PRDM10: variants seen among roughly 807,000 people sequenced by gnomAD.
PRDM10 encodes the protein PR/SET domain 10.
A neutral mutation model predicts 133.1 loss-of-function variants in PRDM10; 65 were observed. The ratio of observed to expected loss-of-function variants is 0.49; its 90% confidence interval spans 0.40 to 0.60. The LOEUF (loss-of-function observed/expected upper bound fraction) is 0.60, where lower values mean the gene tolerates loss of function less well. Ranked by LOEUF, PRDM10 falls within the 20% of genes least tolerant of loss-of-function variation. The pLI, the probability that PRDM10 is intolerant of heterozygous loss-of-function variation, is 0.00. For missense variants in PRDM10, 1,137 were observed against 1,507.1 expected (o/e 0.75, Z 4.07); for synonymous variants, 582 against 580.4 (o/e 1.00, Z -0.04).
chr11:129,985,795 AAAAAAAAAAAAAAAATATAT>A (rs936706402), intron 1 of PRDM10, among the ~76,000 whole-genome samples: 5 of 121,894 alleles, frequency 4.1e-5, no homozygotes, highest in African/African-American at 2.0e-4. Flanking sequence ...AAAAAAAAAA[AAAAAAAAAAAAAAAATATAT>A]ATATATATAT....
chr11:129,932,378 T>C, intron 9 of PRDM10, 147 bp from the exon 10 acceptor site: 3 of 1,014,126 alleles, frequency 3.0e-6, no homozygotes, highest in Non-Finnish European at 4.2e-6. Context: ...AACAACTGTT[T>C]TACTAATATA....
At chr11:129,940,901 T>C (rs1951184642) in intron 7 of PRDM10, among the ~76,000 whole-genome samples, 1 of 152,256 alleles carries the variant, frequency 6.6e-6, no homozygotes, top group African/African-American at 2.4e-5. Context: ...GTTATATTCT[T>C]ATTTGTTTCT....
chr11:129,901,702 A>G lies in PRDM10; in HGVS notation c.*611T>C, dbSNP rs1949848896. 1 of 152,240 alleles carries G rather than the reference A, an allele frequency of 6.6e-6. No homozygotes were observed. Among genetic ancestry groups the G allele is most frequent in the African/African-American group, 2.4e-5 (1 of 41,448 alleles). The allele number at this position is 152,240 out of a possible 1,614,324, so 9.4% of individuals were successfully genotyped here. A position where few individuals can be genotyped will look rare whatever the true frequency, so the allele number is the denominator to read the frequency against. The stretch of plus-strand genomic sequence containing the variant: ...GGAAAGCACTACCAACAGCCCAACA[A>G]TAGTTTTCTAAAATAGGGAAGTTAA... On this transcript the variant is annotated 3_prime_UTR_variant, in exon 21 of 21. Transcript: ENST00000360871.
Position 129,947,146 on chromosome 11 carries a change from C to T in PRDM10, c.519G>A (p.Leu173=). The change falls in exon 5 of 21, where the codon TTG becomes TTA. Residue 173 remains leucine (L), a splice_region_variant and synonymous_variant. Coordinates refer to ENST00000360871, the MANE Select transcript of PRDM10 (RefSeq NM_199437.2). The surrounding 1 kb of genome is among the most constrained non-coding windows in gnomAD (Gnocchi z 4.6). ...DPPRPFDPHD[L]WCEECNNAHA... is the part of the protein sequence containing the mutation. ...GGGGAGACCCGTGCCCACACTTACACAAGTCGTGTGGGTCGAAGGGCCGGG... is the reference window on the plus strand; with the variant it reads ...GGGGAGACCCGTGCCCACACTTACATAAGTCGTGTGGGTCGAAGGGCCGGG... 6.2e-7 allele frequency: 1 copy of T among 1,613,968 alleles called. No homozygotes were observed. The highest frequency in any genetic ancestry group is 1.3e-5 in the African/African-American group (1 of 75,038).
chr11:129,903,568 T>C (rs972293749), intron 20 of PRDM10, among the ~76,000 whole-genome samples: 15 of 152,196 alleles, frequency 9.9e-5, no homozygotes, highest in Non-Finnish European at 2.2e-4. Flanking sequence ...GGCTATTTTG[T>C]TACATTAACA....
intron 1 of PRDM10, among the ~76,000 whole-genome samples, chr11:129,985,674 C>T (rs918130041): frequency 2.7e-5 from 4 of 148,414 alleles, no homozygotes; most frequent in African/African-American, 9.9e-5. Context: ...GTTCCAGCTA[C>T]TCAGGAGGCT....
At chr11:129,931,616 G>A (rs1950865855) in intron 10 of PRDM10, among the ~76,000 whole-genome samples, 1 of 148,756 alleles carries the variant, frequency 6.7e-6, no homozygotes, top group East Asian at 2.0e-4. Context: ...TCCCCAGGCT[G>A]GAGTGCAGTG....
chr11:129,944,648 A>G (rs73016891), intron 6 of PRDM10, 123 bp downstream of exon 6: 97,664 of 1,386,098 alleles, frequency 0.07, 4,044 homozygotes, highest in Admixed American at 0.14. Flanking sequence ...CCAAGTTAAG[A>G]TAGAAAGAAG....
chr11:129,979,021 T>G (rs545277508), intron 1 of PRDM10, among the ~76,000 whole-genome samples: 10 of 152,294 alleles, frequency 6.6e-5, no homozygotes, highest in African/African-American at 2.4e-4. Flanking sequence ...CCGACAATCC[T>G]ACATGAAAAT....
chr11:129,908,501 C>T (rs969656261), intron 19 of PRDM10, among the ~76,000 whole-genome samples: 4 of 152,006 alleles, frequency 2.6e-5, no homozygotes, highest in Non-Finnish European at 5.9e-5. Flanking sequence ...GAGGTAGGTA[C>T]CAAAATATTT....
intron 1 of PRDM10, among the ~76,000 whole-genome samples, chr11:129,966,853 CA>C (rs1222837465): frequency 6.6e-6 from 1 of 152,122 alleles, no homozygotes; most frequent in Non-Finnish European, 1.5e-5. Flanking sequence ...GCCACATCAA[CA>C]ACGCTCTTGG....
At chr11:129,915,444 G>A (rs372405777) in intron 16 of PRDM10, among the ~76,000 whole-genome samples, 3 of 152,218 alleles carry the variant, frequency 2.0e-5, no homozygotes, top group African/African-American at 4.8e-5. Context: ...CCAGCTGCTC[G>A]GGCTGCTGTA....
chr11:129,996,010 G>A lies in PRDM10; in HGVS notation c.-119+6712C>T, dbSNP rs543444568. Among the ~76,000 whole-genome samples, 12 of 152,208 alleles carry A rather than the reference G, an allele frequency of 7.9e-5. No homozygotes were observed. In the South Asian group the frequency reaches 1.7e-3, roughly 21 times the overall value. On this transcript the variant is annotated intron_variant, in intron 1 of 20. Coordinates refer to ENST00000360871, the MANE Select transcript of PRDM10 (RefSeq NM_199437.2). ...AGGAAAACTTTACAAACAACTTCAA[G>A]TATTTTAATTCACTCACTTATCCCT... is the stretch of plus-strand genomic sequence containing the variant.
intron 4 of PRDM10, among the ~76,000 whole-genome samples, chr11:129,952,115 A>T (rs750938933): frequency 8.5e-5 from 13 of 152,206 alleles, no homozygotes; most frequent in Non-Finnish European, 1.3e-4. Flanking sequence ...CTGTCTTGTA[A>T]TGTCAGGGTT....
chr11:129,909,458 A>T (rs1021589276), intron 19 of PRDM10, among the ~76,000 whole-genome samples: 2 of 152,132 alleles, frequency 1.3e-5, no homozygotes, highest in Non-Finnish European at 2.9e-5. Context: ...TCAAAAAAAA[A>T]AAAAGAATAT....
Position 129,918,862 on chromosome 11 carries a change from G to T in PRDM10, c.2035-144C>A. ...TGAGTTGCTGGAACACTAGGACGCA[G>T]ACATGTTAAAAGTGGCTGGGAGTTA... On this transcript the variant is annotated intron_variant, in intron 13 of 20. Coordinates refer to ENST00000360871, the MANE Select transcript of PRDM10 (RefSeq NM_199437.2). This position sits in a 1 kb window ranked among gnomAD's most constrained non-coding sequence, Gnocchi z 5.3. 1.2e-6 allele frequency: 1 copy of T among 816,058 alleles called. No homozygotes were observed. Among genetic ancestry groups the T allele is most frequent in the Non-Finnish European group, 1.9e-6 (1 of 515,380 alleles). The allele number at this position is 816,058 out of a possible 1,614,324, so 50.6% of individuals were successfully genotyped here. A position where few individuals can be genotyped will look rare whatever the true frequency, so the allele number is the denominator to read the frequency against.
At chr11:129,939,143 T>C (rs944292018) in intron 7 of PRDM10, among the ~76,000 whole-genome samples, 1 of 152,252 alleles carries the variant, frequency 6.6e-6, no homozygotes, top group African/African-American at 2.4e-5. Context: ...TCATGGAACT[T>C]ACCCCATGAG....
At chr11:129,944,453 C>G (rs543310099) in intron 6 of PRDM10, among the ~76,000 whole-genome samples, 1 of 151,966 alleles carries the variant, frequency 6.6e-6, no homozygotes, top group Non-Finnish European at 1.5e-5. Context: ...GGCGTGGTGG[C>G]GGGCGCCTGT....
At chr11:129,927,157 T>C (rs1429423958) in intron 11 of PRDM10, among the ~76,000 whole-genome samples, 1 of 114,500 alleles carries the variant, frequency 8.7e-6, no homozygotes, top group Non-Finnish European at 1.7e-5. Flanking sequence ...GAGGTGGAGG[T>C]TGCAGTGAGA....
Sources: allele counts gnomAD v4.1 joint callset (sites outside exome capture counted in the v4.1 genomes callset), GRCh38; gene constraint gnomAD v4.1.1; non-coding constraint Gnocchi (gnomAD v3.1); transcripts MANE v1.5; gene names NCBI Gene and HGNC (gene_info 2026-07-23, HGNC 2026-07-21).